Variants in CATSPERE observed in about 807,000 individuals in gnomAD.
CATSPERE encodes cation channel sperm-associated auxiliary subunit epsilon.
In CATSPERE, 93 loss-of-function variants were observed where a neutral mutation model predicts 114.1. The observed-to-expected ratio is 0.81, with a 90% CI of 0.69 to 0.97. CATSPERE has a LOEUF of 0.97. CATSPERE is among the 50% of genes least tolerant of loss of function. The probability of loss-of-function intolerance (pLI) is 0.00; values close to 1 mark genes in which losing one functional copy is unlikely to be tolerated. For missense variants in CATSPERE, 1,058 were observed against 1,131.6 expected, an observed-to-expected ratio of 0.93 and a Z score of 0.93; for synonymous variants, 341 against 384.1, an observed-to-expected ratio of 0.89 and a Z score of 1.31.
rs960028586 is a variant in CATSPERE, at chr1:244,508,831, TAAAAAAAAAAA to T, written c.430-9751_430-9741del. ...GGGCAACATAGTGAGACCCTATCTC[TAAAAAAAAAAA>T]AAAAAAAAATTAGCCAGGCATAGTA... On this transcript the variant is annotated intron_variant, in intron 7 of 21. Transcript: ENST00000366534. Among the ~76,000 whole-genome samples, 45 of 114,248 alleles carry T rather than the reference TAAAAAAAAAAA, an allele frequency of 3.9e-4. No homozygotes were observed. The South Asian group carries it at 0.013, about 32-fold the overall frequency. The allele number at this position is 114,248 out of a possible 152,430, so 75.0% of individuals were successfully genotyped here.
At chr1:244,527,324 G>A (rs936402179) in intron 8 of CATSPERE, among the ~76,000 whole-genome samples, 1 of 152,146 alleles carries the variant, frequency 6.6e-6, no homozygotes, top group Non-Finnish European at 1.5e-5. Context: ...CTCTTTCTCA[G>A]GGATGTTCCT....
chr1:244,561,379 G>A (rs1488785567), intron 10 of CATSPERE, among the ~76,000 whole-genome samples: 1 of 152,138 alleles, frequency 6.6e-6, no homozygotes, highest in East Asian at 1.9e-4. Context: ...TTTCATTTTG[G>A]TCAATCAGTA....
chr1:244,459,080 CT>C (rs36076606), upstream of CATSPERE, among the ~76,000 whole-genome samples: 278 of 134,414 alleles, frequency 2.1e-3, no homozygotes, highest in East Asian at 8.2e-3. Flanking sequence ...CTGGGCTCAG[CT>C]TTTTTTTTTT....
At chr1:244,514,860 G>A (rs1196772934) in intron 7 of CATSPERE, among the ~76,000 whole-genome samples, 2 of 150,456 alleles carry the variant, frequency 1.3e-5, no homozygotes, top group Non-Finnish European at 3.0e-5. Flanking sequence ...AGAGTGCCTG[G>A]AAAAATTGGT....
chr1:244,599,912 A>G (rs930241604), intron 17 of CATSPERE, among the ~76,000 whole-genome samples: 3 of 152,222 alleles, frequency 2.0e-5, no homozygotes, highest in Non-Finnish European at 4.4e-5. Flanking sequence ...GAAGAAAGAG[A>G]CAGGAATTTA....
chr1:244,541,901 G>A (rs1471542470), intron 8 of CATSPERE, among the ~76,000 whole-genome samples: 10 of 140,392 alleles, frequency 7.1e-5, no homozygotes, highest in East Asian at 2.1e-4. Context: ...GTAAACTATC[G>A]CAAGAACAAA....
intron 8 of CATSPERE, among the ~76,000 whole-genome samples, chr1:244,547,425 T>C (rs1010728546): frequency 6.6e-6 from 1 of 152,160 alleles, no homozygotes; most frequent in Non-Finnish European, 1.5e-5. Flanking sequence ...TAGAATATTC[T>C]CATACTGTAA....
At chr1:244,529,603 C>T (rs1679269972) in intron 8 of CATSPERE, among the ~76,000 whole-genome samples, 2 of 152,124 alleles carry the variant, frequency 1.3e-5, no homozygotes, top group Non-Finnish European at 2.9e-5. Context: ...ATATTTTCCC[C>T]CATTCTGTGG....
intron 8 of CATSPERE, among the ~76,000 whole-genome samples, chr1:244,526,117 A>G (rs992404624): frequency 1.3e-5 from 2 of 152,212 alleles, no homozygotes; most frequent in African/African-American, 4.8e-5. Flanking sequence ...TAATGGTGCT[A>G]TCCTTTTGTC....
In CATSPERE at chr1:244,572,596, G is replaced by A. The variant is rs758615270; in HGVS notation, c.1774G>A (p.Val592Ile). 8.1e-6 allele frequency: 13 copies of A among 1,614,072 alleles called. No homozygotes were observed. The highest frequency in any genetic ancestry group is 1.7e-5 in the Admixed American group (1 of 60,018). ...CCCATACATGGCATTTCATAACAAT[G>A]TTGCTCATGTTTTTTACTTTTTGGA... ...KCPYMAFHNN[V>I]AHVFYFLDKG... Residue 592 changes from valine to isoleucine, a missense_variant, in exon 11 of 22, where the codon GTT (valine) becomes ATT (isoleucine). Val to Ile is a conservative substitution (Grantham distance 29). Around this residue, in one of 2 missense-constraint regions of CATSPERE, gnomAD observed 787 missense variants for 905.6 expected, o/e 0.87. Coordinates refer to ENST00000366534, the MANE Select transcript of CATSPERE (RefSeq NM_001130957.2).
At chr1:244,578,685 C>G (rs1258471068) in intron 11 of CATSPERE, among the ~76,000 whole-genome samples, 1 of 150,872 alleles carries the variant, frequency 6.6e-6, no homozygotes, top group African/African-American at 2.4e-5. Flanking sequence ...CTCTGTCTCT[C>G]TCTCTCTCTC....
At chr1:244,553,616 C>CACACACACACACATATATACATACAT (rs1558484790) in intron 9 of CATSPERE, among the ~76,000 whole-genome samples, 3 of 130,182 alleles carry the variant, frequency 2.3e-5, no homozygotes, top group African/African-American at 9.6e-5. Flanking sequence ...CACACACACA[C>CACACACACACACATATATACATACAT]ACACACACAC....
intron 13 of CATSPERE, 100 bp downstream of exon 13, chr1:244,584,039 A>C (rs1407177684): frequency 2.2e-5 from 18 of 823,166 alleles, no homozygotes; most frequent in Non-Finnish European, 3.6e-5. Context: ...ACCTCCATGC[A>C]ATACCTCCAT....
chr1:244,486,779 A>G (rs1433138344), intron 5 of CATSPERE, among the ~76,000 whole-genome samples: 7 of 103,832 alleles, frequency 6.7e-5, no homozygotes, highest in Non-Finnish European at 7.9e-5. Context: ...GTGGTCCAGC[A>G]TGTGGAGTAC....
At chr1:244,579,673 C>G (rs1665876059) in intron 11 of CATSPERE, among the ~76,000 whole-genome samples, 1 of 152,122 alleles carries the variant, frequency 6.6e-6, no homozygotes, top group African/African-American at 2.4e-5. Flanking sequence ...AAAAAATATA[C>G]AAATGACCAA....
Position 244,640,062 on chromosome 1 carries a change from G to GA in CATSPERE, c.2841dup (p.Arg948ThrfsTer2). On this transcript the variant is annotated frameshift_variant, in exon 22 of 22. Coordinates refer to ENST00000366534, the MANE Select transcript of CATSPERE (RefSeq NM_001130957.2). LOFTEE classifies it high-confidence loss of function. ...TATGAACCACTTCACAAACCTCAAA[G>GA]AAAACGTAAGAAGAATTAGGAAAAC... 1 of 1,548,338 alleles carries GA rather than the reference G, an allele frequency of 6.5e-7. No individual in the cohort carries two copies. Among genetic ancestry groups the GA allele is most frequent in the Non-Finnish European group, 8.7e-7 (1 of 1,145,498 alleles).
At position 244,629,638 on chromosome 1, in the gene CATSPERE, C is replaced by G. The variant is rs142180167; in HGVS notation, c.2649-5851C>G. On this transcript the variant is annotated intron_variant, in intron 20 of 21. Coordinates refer to ENST00000366534, the MANE Select transcript of CATSPERE (RefSeq NM_001130957.2). Reference sequence around the variant, plus strand: ...TGTGAGCCAGCAGGCTTGGCATTGTCTCCTTTATCTTTTGTTTTTGAGACA... The same window carrying G: ...TGTGAGCCAGCAGGCTTGGCATTGTGTCCTTTATCTTTTGTTTTTGAGACA... 3.9e-3 allele frequency among the ~76,000 whole-genome samples: 578 copies of G among 148,698 alleles called. 7 individuals carry two copies. Among genetic ancestry groups the G allele is most frequent in the African/African-American group, 0.014 (564 of 40,360 alleles).
At chr1:244,569,793 A>G (rs1179715721) in intron 10 of CATSPERE, among the ~76,000 whole-genome samples, 1 of 152,168 alleles carries the variant, frequency 6.6e-6, no homozygotes, top group Non-Finnish European at 1.5e-5. Flanking sequence ...TGCTACTTGT[A>G]TTATGTATTC....
At chr1:244,563,833 T>G (rs1204919547) in intron 10 of CATSPERE, among the ~76,000 whole-genome samples, 1 of 152,202 alleles carries the variant, frequency 6.6e-6, no homozygotes, top group East Asian at 1.9e-4. Context: ...TCTTTGCCCA[T>G]GCCTATGTCC....
Sources: gnomAD v4.1 joint callset for allele counts (sites outside exome capture counted in the v4.1 genomes callset) on GRCh38, gnomAD v4.1.1 for gene constraint, gnomAD v4.1.1 regional missense constraint, MANE v1.5 for transcripts, NCBI Gene and HGNC (gene_info 2026-07-23, HGNC 2026-07-21) for gene names.